Variants in TENM3 observed in about 807,000 individuals in gnomAD.
TENM3 encodes the protein teneurin-3.
TENM3 carries 63 observed loss-of-function variants against 255.1 expected under a neutral mutation model. The observed-to-expected ratio is 0.25, with a 90% CI of 0.20 to 0.30. TENM3 has a LOEUF of 0.30. TENM3 is among the 10% of genes least tolerant of loss of function. TENM3 has a pLI of 1.00. For synonymous variants in TENM3, 1,306 were observed against 1,322.3 expected (o/e 0.99, Z 0.27); for missense variants, 2,929 against 3,461.1 (o/e 0.85, Z 3.86).
intron 12 of TENM3, among the ~76,000 whole-genome samples, chr4:182,694,359 C>T (rs1579134642): frequency 6.6e-6 from 1 of 152,250 alleles, no homozygotes; most frequent in South Asian, 2.1e-4. Context: ...AGCAATCCAC[C>T]TGCCTCAGCC....
chr4:182,221,317 C>T (rs1457754897), intron 1 of TENM3, among the ~76,000 whole-genome samples: 1 of 152,128 alleles, frequency 6.6e-6, no homozygotes, highest in Non-Finnish European at 1.5e-5. Context: ...AAGGATTTGC[C>T]TTGACATTTA....
the TENM3 span, among the ~76,000 whole-genome samples, chr4:181,948,481 T>C: frequency 1.3e-5 from 2 of 152,284 alleles, no homozygotes; most frequent in East Asian, 3.9e-4. Context: ...AGTGGTGCGA[T>C]CTCACCTCAC....
At chr4:182,334,643 A>G (rs571847374) in intron 2 of TENM3, among the ~76,000 whole-genome samples, 1 of 152,286 alleles carries the variant, frequency 6.6e-6, no homozygotes, top group African/African-American at 2.4e-5. Context: ...AACTTCAGAA[A>G]TATATCCTAG....
At chr4:181,679,137 C>A in the TENM3 span, among the ~76,000 whole-genome samples, 2 of 152,106 alleles carry the variant, frequency 1.3e-5, no homozygotes, top group African/African-American at 4.8e-5. Flanking sequence ...AGCAAGGGTA[C>A]TTCAACCATT....
intron 3 of TENM3, among the ~76,000 whole-genome samples, chr4:182,474,627 G>A (rs573951502): frequency 6.6e-6 from 1 of 152,188 alleles, no homozygotes; most frequent in South Asian, 2.1e-4. Flanking sequence ...CTTCTTTAGA[G>A]GTTTAAAAGA....
At chr4:181,467,058 C>G in the TENM3 span, among the ~76,000 whole-genome samples, 1 of 83,086 alleles carries the variant, frequency 1.2e-5, no homozygotes, top group Non-Finnish European at 2.2e-5. Flanking sequence ...TAATATTTTA[C>G]TAGTGTGTGT....
At chr4:182,088,396 G>A in the TENM3 span, among the ~76,000 whole-genome samples, 1 of 152,086 alleles carries the variant, frequency 6.6e-6, no homozygotes, top group Admixed American at 6.5e-5. Flanking sequence ...GTTATCAAGA[G>A]GCAGGAAGGC....
chr4:182,345,123 G>C (rs1764723438), intron 2 of TENM3, among the ~76,000 whole-genome samples: 1 of 152,008 alleles, frequency 6.6e-6, no homozygotes, highest in Non-Finnish European at 1.5e-5. Flanking sequence ...CATTATTTAT[G>C]AGTGTCATTG....
the TENM3 span, among the ~76,000 whole-genome samples, chr4:181,867,134 T>C: frequency 6.6e-6 from 1 of 152,206 alleles, no homozygotes; most frequent in Non-Finnish European, 1.5e-5. Flanking sequence ...CGTAGCTTTC[T>C]AATTTCACCG....
chr4:181,919,374 G>GGTGTGTGTGTGTGTGTGTGT, the TENM3 span, among the ~76,000 whole-genome samples: 442 of 146,840 alleles, frequency 3.0e-3, 7 homozygotes, highest in Middle Eastern at 0.014. Context: ...AAGCAAAGCA[G>GGTGTGTGTGTGTGTGTGTGT]GTGTGTGTGT....
At chr4:181,730,460 C>T in the TENM3 span, among the ~76,000 whole-genome samples, 1 of 152,180 alleles carries the variant, frequency 6.6e-6, no homozygotes, top group African/African-American at 2.4e-5. Context: ...CAGCTGGCCT[C>T]CAACCTGTAG....
chr4:182,316,862 T>C (rs1468207215), intron 1 of TENM3, among the ~76,000 whole-genome samples: 2 of 152,120 alleles, frequency 1.3e-5, no homozygotes, highest in African/African-American at 4.8e-5. Context: ...ATTGTGAGGG[T>C]CTTCTGGACT....
chr4:182,080,939 C>G, the TENM3 span, among the ~76,000 whole-genome samples: 1 of 151,904 alleles, frequency 6.6e-6, no homozygotes, highest in African/African-American at 2.4e-5. Flanking sequence ...CTCAGTGAGC[C>G]ATGATGACAC....
chr4:182,056,770 G>C, the TENM3 span, among the ~76,000 whole-genome samples: 7 of 152,012 alleles, frequency 4.6e-5, no homozygotes, highest in Non-Finnish European at 1.0e-4. Context: ...ACAATCCTTA[G>C]AGGAGCAAAG....
At chr4:182,217,795 A>G (rs1755595834) in intron 1 of TENM3, among the ~76,000 whole-genome samples, 1 of 152,186 alleles carries the variant, frequency 6.6e-6, no homozygotes, top group Non-Finnish European at 1.5e-5. Flanking sequence ...TTCTCTTTTA[A>G]TTATTCTTGA....
chr4:181,931,200 C>T, the TENM3 span, among the ~76,000 whole-genome samples: 1 of 152,068 alleles, frequency 6.6e-6, no homozygotes, highest in Non-Finnish European at 1.5e-5. Flanking sequence ...AAAGAGTATT[C>T]AATAGGAAGA....
chr4:181,895,606 G>A, the TENM3 span, among the ~76,000 whole-genome samples: 2 of 138,280 alleles, frequency 1.4e-5, no homozygotes, highest in South Asian at 2.3e-4. Flanking sequence ...GGGCAGTGGT[G>A]CAGTCATAGC....
At chr4:182,042,702 T>G in the TENM3 span, among the ~76,000 whole-genome samples, 10 of 152,230 alleles carry the variant, frequency 6.6e-5, no homozygotes, top group Non-Finnish European at 1.5e-4. Context: ...TATTTCTTTT[T>G]GATGCTATTC....
At chr4:182,658,354 G>A (rs1345900913) in intron 6 of TENM3, among the ~76,000 whole-genome samples, 1 of 152,146 alleles carries the variant, frequency 6.6e-6, no homozygotes, top group Non-Finnish European at 1.5e-5. Flanking sequence ...TCAGGACTCT[G>A]CGCTTGACAA....
Sources: allele counts gnomAD v4.1 joint callset (sites outside exome capture counted in the v4.1 genomes callset), GRCh38; gene constraint gnomAD v4.1.1; transcripts MANE v1.5; gene names NCBI Gene and HGNC (gene_info 2026-07-23, HGNC 2026-07-21).